The following ARHGAP32 variants were observed in gnomAD, a reference collection of about 807,000 sequenced individuals.
The protein encoded by ARHGAP32 is Rho GTPase activating protein 32, also known as rho GTPase-activating protein 32.
Under a neutral mutation model 186.5 loss-of-function variants are expected in ARHGAP32, and 51 were observed. The observed-to-expected ratio is 0.27, with a 90% CI of 0.22 to 0.35. The LOEUF (loss-of-function observed/expected upper bound fraction) is 0.35, where lower values mean the gene tolerates loss of function less well. ARHGAP32 is among the 10% of genes least tolerant of loss of function. The pLI is 1.00. For missense variants in ARHGAP32, 2,186 were observed against 2,623.5 expected (o/e 0.83, Z 3.64); for synonymous variants, 950 against 964.3 (o/e 0.99, Z 0.27).
chr11:129,272,711 G>A (rs979389384), intron 1 of ARHGAP32, among the ~76,000 whole-genome samples: 1 of 152,188 alleles, frequency 6.6e-6, no homozygotes, highest in Non-Finnish European at 1.5e-5. Flanking sequence ...TCAGTAAAGA[G>A]AGAATGATAT....
chr11:129,250,781 T>G (rs1591719550), intron 1 of ARHGAP32, among the ~76,000 whole-genome samples: 1 of 152,318 alleles, frequency 6.6e-6, no homozygotes, highest in South Asian at 2.1e-4. Flanking sequence ...CTCCATGGTA[T>G]TTTTCATTCA....
intron 11 of ARHGAP32, among the ~76,000 whole-genome samples, chr11:129,011,405 G>A (rs1938072293): frequency 6.6e-6 from 1 of 152,124 alleles, no homozygotes; most frequent in African/African-American, 2.4e-5. Context: ...ATTATTTATA[G>A]TGGCTAATAA....
At chr11:128,973,983 G>T in intron 21 of ARHGAP32, 141 bp downstream of exon 21, 1 of 1,009,192 alleles carries the variant, frequency 9.9e-7, no homozygotes, top group Non-Finnish European at 1.4e-6. Flanking sequence ...AGGGCTCTGA[G>T]CCATCAGCAC....
At chr11:129,248,212 C>CAAAA (rs61454534) in intron 1 of ARHGAP32, among the ~76,000 whole-genome samples, 1 of 122,002 alleles carries the variant, frequency 8.2e-6, no homozygotes, top group Non-Finnish European at 1.7e-5. Flanking sequence ...TTGGCTGTCT[C>CAAAA]AAAAAAAAAA....
At chr11:129,212,495 G>A (rs1308506007) in intron 1 of ARHGAP32, among the ~76,000 whole-genome samples, 2 of 152,058 alleles carry the variant, frequency 1.3e-5, no homozygotes, top group Non-Finnish European at 2.9e-5. Context: ...TCAGTCTGCT[G>A]GAGCAAATTA....
At chr11:129,055,737 T>C (rs1458287403) in intron 10 of ARHGAP32, among the ~76,000 whole-genome samples, 1 of 151,898 alleles carries the variant, frequency 6.6e-6, no homozygotes, top group Admixed American at 6.6e-5. Flanking sequence ...GACATGACAG[T>C]GAAAGATCAC....
intron 10 of ARHGAP32, 60 bp downstream of exon 10, chr11:129,062,220 T>C: frequency 7.0e-7 from 1 of 1,427,258 alleles, no homozygotes; most frequent in Non-Finnish European, 9.8e-7. Context: ...ACAAAAGTAT[T>C]ACTGAATCAT....
At chr11:129,129,029 T>C (rs1314573450) in intron 2 of ARHGAP32, among the ~76,000 whole-genome samples, 1 of 152,132 alleles carries the variant, frequency 6.6e-6, no homozygotes, top group Non-Finnish European at 1.5e-5. Context: ...GAAGAGCGTC[T>C]CTGCCTGGCC....
chr11:129,227,105 A>G (rs1944794980), intron 1 of ARHGAP32, among the ~76,000 whole-genome samples: 1 of 152,090 alleles, frequency 6.6e-6, no homozygotes, highest in Non-Finnish European at 1.5e-5. Flanking sequence ...TGTATGAAAT[A>G]ACAGTACAAA....
intron 1 of ARHGAP32, among the ~76,000 whole-genome samples, chr11:129,269,698 C>T (rs938172938): frequency 6.6e-6 from 1 of 152,104 alleles, no homozygotes; most frequent in African/African-American, 2.4e-5. Flanking sequence ...TCCTGGGTGA[C>T]AGAGTAAAAC....
chr11:129,183,175 A>G (rs1323754021), intron 1 of ARHGAP32, among the ~76,000 whole-genome samples: 1 of 151,994 alleles, frequency 6.6e-6, no homozygotes, highest in African/African-American at 2.4e-5. Flanking sequence ...TAGGATTTCC[A>G]TTCTACCCCA....
chr11:128,998,528 AT>A lies in ARHGAP32; in HGVS notation c.1046-61del, dbSNP rs1182425454. ...GGCAAGAGGTTACATTTTACTTAGCATAAAAACAAACATATCTCAAGAGGCT... is the reference window on the plus strand; with the variant it reads ...GGCAAGAGGTTACATTTTACTTAGCAAAAAACAAACATATCTCAAGAGGCT... On this transcript the variant is annotated intron_variant, in intron 11 of 22. Transcript: ENST00000682385. 6 of 1,334,814 alleles carry A rather than the reference AT, an allele frequency of 4.5e-6. No individual in the cohort carries two copies. In the East Asian group the frequency reaches 1.2e-4, roughly 28 times the overall value. 82.7% of individuals were successfully genotyped at this position (1,334,814 alleles called of 1,614,324 possible).
chr11:128,978,710 C>T (rs1945623500), intron 19 of ARHGAP32, 60 bp downstream of exon 19: 34 of 1,529,500 alleles, frequency 2.2e-5, no homozygotes, highest in Non-Finnish European at 2.8e-5. Context: ...GAAGAACGTG[C>T]CCAGAACAAC....
At chr11:129,041,076 C>G in intron 10 of ARHGAP32, 67 bp from the exon 11 acceptor site, 2 of 1,066,604 alleles carry the variant, frequency 1.9e-6, no homozygotes, top group Non-Finnish European at 2.8e-6. Context: ...ACACTGCCAA[C>G]TGAATTCCAG....
intron 6 of ARHGAP32, among the ~76,000 whole-genome samples, chr11:129,074,329 T>C (rs1940969148): frequency 6.6e-6 from 1 of 152,166 alleles, no homozygotes; most frequent in South Asian, 2.1e-4. Flanking sequence ...ATGATTTCTA[T>C]ATGTAAAATG....
chr11:129,006,822 T>C (rs1213361417), intron 11 of ARHGAP32, among the ~76,000 whole-genome samples: 13 of 152,168 alleles, frequency 8.5e-5, no homozygotes, highest in Admixed American at 8.5e-4. Context: ...AGGCAGTGAG[T>C]TCCCCCAGGC....
At chr11:129,052,835 T>C (rs1940108255) in intron 10 of ARHGAP32, among the ~76,000 whole-genome samples, 1 of 152,150 alleles carries the variant, frequency 6.6e-6, no homozygotes, top group Non-Finnish European at 1.5e-5. Context: ...AAATTTATGC[T>C]GACTTTTTTG....
intron 1 of ARHGAP32, among the ~76,000 whole-genome samples, chr11:129,233,465 C>A (rs1392279141): frequency 4.6e-5 from 7 of 151,874 alleles, no homozygotes; most frequent in Non-Finnish European, 7.4e-5. Flanking sequence ...AATAATAAAA[C>A]CTCTTTAAGA....
intron 1 of ARHGAP32, among the ~76,000 whole-genome samples, chr11:129,171,910 G>C (rs934100214): frequency 6.6e-6 from 1 of 151,680 alleles, no homozygotes. Context: ...GTATTCCTAG[G>C]TATTTTATTC....
Sources: gnomAD v4.1 joint callset for allele counts (sites outside exome capture counted in the v4.1 genomes callset) on GRCh38, gnomAD v4.1.1 for gene constraint, MANE v1.5 for transcripts, NCBI Gene and HGNC (gene_info 2026-07-23, HGNC 2026-07-21) for gene names.